Variants in THEM4 observed in about 807,000 individuals in gnomAD.
THEM4 encodes acyl-coenzyme A thioesterase THEM4.
THEM4 carries 22 observed loss-of-function variants against 25.0 expected under a neutral mutation model. That is an observed-to-expected ratio of 0.88 (90% CI 0.63 to 1.26). THEM4 has a LOEUF of 1.26. Ranked by LOEUF, THEM4 falls within the 50% of genes most tolerant of loss-of-function variation. THEM4 has a pLI of 0.00. For missense variants in THEM4, 286 were observed against 300.3 expected (o/e 0.95, Z 0.35); for synonymous variants, 113 against 105.6 (o/e 1.07, Z -0.43).
chr1:151,893,231 G>A (rs1654132185), intron 2 of THEM4, among the ~76,000 whole-genome samples: 1 of 151,944 alleles, frequency 6.6e-6, no homozygotes, highest in South Asian at 2.1e-4. Context: ...AATAAGCTGG[G>A]TGTGGTGGCA....
At position 151,884,111 on chromosome 1, in the gene THEM4, AAAGG is replaced by A. The variant is rs59778556; in HGVS notation, c.557+4158_557+4161del. ...TAAATAAATAAATAAATAAATAAATAAAGGAAGGAAGGAAGAAGCTTCCAGAATG... is the reference window on the plus strand; with the variant it reads ...TAAATAAATAAATAAATAAATAAATAAAGGAAGGAAGAAGCTTCCAGAATG... On this transcript the variant is annotated intron_variant, in intron 4 of 5. Coordinates refer to ENST00000368814, the MANE Select transcript of THEM4 (RefSeq NM_053055.5). Among the ~76,000 whole-genome samples the A allele has an allele frequency of 2.7e-4, 40 of 150,926 alleles. 1 individual carries two copies. Among genetic ancestry groups the A allele is most frequent in the Middle Eastern group, 6.8e-3 (2 of 294 alleles).
chr1:151,884,360 C>G (rs1653916251), intron 4 of THEM4, among the ~76,000 whole-genome samples: 1 of 152,158 alleles, frequency 6.6e-6, no homozygotes, highest in Non-Finnish European at 1.5e-5. Flanking sequence ...GAAGTAACTC[C>G]TGTGTTATCT....
At chr1:151,879,984 C>CT (rs963690421) in intron 4 of THEM4, among the ~76,000 whole-genome samples, 3 of 151,420 alleles carry the variant, frequency 2.0e-5, no homozygotes, top group East Asian at 1.9e-4. Context: ...ATTGTTTTTT[C>CT]TTTTTTTTGG....
At position 151,878,743 on chromosome 1, in the gene THEM4, T is replaced by C. The variant is rs188527441; in HGVS notation, c.558-1618A>G. 6.4e-3 allele frequency among the ~76,000 whole-genome samples: 977 copies of C among 152,312 alleles called. 8 individuals carry two copies. Among genetic ancestry groups the C allele is most frequent in the Non-Finnish European group, 9.5e-3 (646 of 68,032 alleles). ...AATATTTAGGCACAGATCAGTTTGG[T>C]TGGCACAGGAAACTGGCTTTAGCTT... On this transcript the variant is annotated intron_variant, in intron 4 of 5. Transcript: ENST00000368814.
chr1:151,889,183 T>C (rs748048111), intron 3 of THEM4, 31 bp downstream of exon 3: 18 of 1,605,036 alleles, frequency 1.1e-5, no homozygotes, highest in Non-Finnish European at 1.5e-5. Flanking sequence ...AAAAATCTTT[T>C]AGATCCACAC....
intron 4 of THEM4, among the ~76,000 whole-genome samples, chr1:151,882,680 C>T (rs6587629): frequency 0.91 from 139,222 of 152,214 alleles, 63,673 homozygotes; most frequent in East Asian, 0.95. Context: ...TATATCTCAA[C>T]ACCGCACTAG....
At chr1:151,905,422 CAG>C (rs1285772178) in intron 1 of THEM4, among the ~76,000 whole-genome samples, 2 of 151,070 alleles carry the variant, frequency 1.3e-5, no homozygotes, top group Non-Finnish European at 1.5e-5. Context: ...TTTTTTGAGA[CAG>C]AGTCTCACTC....
intron 1 of THEM4, among the ~76,000 whole-genome samples, chr1:151,907,815 C>T (rs941373514): frequency 1.8e-4 from 28 of 152,218 alleles, no homozygotes; most frequent in African/African-American, 6.8e-4. Flanking sequence ...GTCACCAGTG[C>T]ACTCACAAGA....
chr1:151,888,457 T>G, intron 3 of THEM4, 74 bp from the exon 4 acceptor site: 2 of 1,110,576 alleles, frequency 1.8e-6, no homozygotes, highest in Non-Finnish European at 2.6e-6. Context: ...AAGAGAAAAA[T>G]TATCCAAGCA....
rs1558191065 is a variant in THEM4, at chr1:151,889,230, G to A, written c.430C>T (p.Leu144=). The part of the protein sequence containing the change: ...MVCLFQGGPY[L]EGPPGFIHGG... ...CATTCTTACCCAGGTGGTCCTTCCA[G>A]GTAAGGGCCTCCTTGAAATAAGCAA... The change falls in exon 3 of 6, where the codon CTG becomes TTG. Residue 144 remains leucine, a synonymous_variant. Coordinates refer to ENST00000368814, the MANE Select transcript of THEM4 (RefSeq NM_053055.5). The A allele has an allele frequency of 6.2e-7, 1 of 1,612,514 alleles. No homozygotes were observed. The highest frequency in any genetic ancestry group is 1.3e-5 in the African/African-American group (1 of 74,880).
Position 151,888,310 on chromosome 1 carries a change from T to C in THEM4, c.520A>G (p.Ile174Val), listed in dbSNP as rs1440456395. ...VGMCAMMAGG[I>V]VMTANLNINY... is the part of the protein sequence containing the mutation. ...ATGTTGAGATTGGCAGTCATGACGA[T>C]TCCCCCAGCCATCATTGCACACATA... The change falls in exon 4 of 6, where the codon ATC (isoleucine) becomes GTC (valine). Residue 174 changes from isoleucine (I) to valine (V), a missense_variant. Coordinates refer to ENST00000368814, the MANE Select transcript of THEM4 (RefSeq NM_053055.5). The C allele has an allele frequency of 1.2e-6, 2 of 1,613,512 alleles. No individual in the cohort carries two copies. The highest frequency in any genetic ancestry group is 4.5e-5 in the East Asian group (2 of 44,870).
At chr1:151,879,334 A>C (rs1653757751) in intron 4 of THEM4, among the ~76,000 whole-genome samples, 1 of 152,102 alleles carries the variant, frequency 6.6e-6, no homozygotes, top group African/African-American at 2.4e-5. Context: ...AAAAAAGCCT[A>C]TAGGTTTAAA....
intron 1 of THEM4, among the ~76,000 whole-genome samples, chr1:151,905,054 C>T (rs1022236993): frequency 2.6e-5 from 4 of 152,252 alleles, no homozygotes; most frequent in East Asian, 1.9e-4. Flanking sequence ...TTAGGGACAA[C>T]GATTATATTT....
At chr1:151,899,525 C>T (rs1391919068) in intron 1 of THEM4, among the ~76,000 whole-genome samples, 1 of 149,344 alleles carries the variant, frequency 6.7e-6, no homozygotes, top group Non-Finnish European at 1.5e-5. Flanking sequence ...AAGGAAATAG[C>T]TTAAAGAAAA....
chr1:151,893,490 C>G (rs1477519585), intron 2 of THEM4, among the ~76,000 whole-genome samples: 1 of 151,000 alleles, frequency 6.6e-6, no homozygotes, highest in African/African-American at 2.4e-5. Context: ...TATGCTGATA[C>G]GAAACATCTA....
intron 2 of THEM4, chr1:151,891,021 G>C: frequency 6.6e-6 from 1 of 152,190 alleles, no homozygotes; most frequent in South Asian, 2.1e-4. Context: ...ATAAGGTCTG[G>C]GTTGAGTTAA....
At chr1:151,909,280 A>G in intron 1 of THEM4, 80 bp downstream of exon 1, 3 of 1,222,944 alleles carry the variant, frequency 2.5e-6, no homozygotes, top group Non-Finnish European at 2.2e-6. Context: ...TGGGGTATGG[A>G]TAACAATCGA....
At chr1:151,894,970 A>G (rs1380856981) in intron 2 of THEM4, 38 bp downstream of exon 2, 1 of 1,593,806 alleles carries the variant, frequency 6.3e-7, no homozygotes, top group Non-Finnish European at 8.6e-7. Context: ...TTTATATTTG[A>G]TGCTCAGATA....
At chr1:151,891,537 G>C in intron 2 of THEM4, 1 of 152,174 alleles carries the variant, frequency 6.6e-6, no homozygotes, top group East Asian at 1.9e-4. Flanking sequence ...TGGACCATGA[G>C]AAAGTAAAGG....
Sources: gnomAD v4.1 joint callset for allele counts (sites outside exome capture counted in the v4.1 genomes callset) on GRCh38, gnomAD v4.1.1 for gene constraint, MANE v1.5 for transcripts, NCBI Gene and HGNC (gene_info 2026-07-23, HGNC 2026-07-21) for gene names.